Variants in MBOAT1 observed in about 807,000 individuals in gnomAD.
The protein encoded by MBOAT1 is membrane-bound glycerophospholipid O-acyltransferase 1.
A neutral mutation model predicts 64.4 loss-of-function variants in MBOAT1; 67 were observed. The observed-to-expected ratio is 1.04, with a 90% CI of 0.85 to 1.27. The LOEUF (loss-of-function observed/expected upper bound fraction) is 1.27, where lower values mean the gene tolerates loss of function less well. MBOAT1 is among the 50% of genes most tolerant of loss of function. MBOAT1 has a pLI of 0.00. For synonymous variants in MBOAT1, 229 were observed against 218.9 expected, an observed-to-expected ratio of 1.05 and a Z score of -0.41; for missense variants, 563 against 604.6, an observed-to-expected ratio of 0.93 and a Z score of 0.72.
intron 9 of MBOAT1, among the ~76,000 whole-genome samples, chr6:20,118,157 T>G (rs1037732352): frequency 2.5e-4 from 38 of 152,090 alleles, no homozygotes; most frequent in African/African-American, 9.2e-4. Context: ...AGAGCAGAAA[T>G]GTAGACAACA....
At chr6:20,111,188 G>C (rs1760127775) in intron 11 of MBOAT1, among the ~76,000 whole-genome samples, 1 of 151,648 alleles carries the variant, frequency 6.6e-6, no homozygotes. Context: ...GACTAGACCT[G>C]CCTCTAGAGA....
intron 1 of MBOAT1, among the ~76,000 whole-genome samples, chr6:20,153,548 T>C (rs1472783936): frequency 6.6e-6 from 1 of 152,236 alleles, no homozygotes; most frequent in African/African-American, 2.4e-5. Flanking sequence ...TCACGTTCCC[T>C]GATACTGGTA....
At chr6:20,117,991 C>A (rs955313265) in intron 9 of MBOAT1, among the ~76,000 whole-genome samples, 18 of 152,158 alleles carry the variant, frequency 1.2e-4, no homozygotes, top group Admixed American at 1.2e-3. Context: ...TATGACAATT[C>A]TTCTTACAAG....
At chr6:20,155,786 T>A (rs1397624464) in intron 1 of MBOAT1, among the ~76,000 whole-genome samples, 4 of 152,178 alleles carry the variant, frequency 2.6e-5, no homozygotes, top group African/African-American at 7.2e-5. Context: ...ACTAGAGACT[T>A]TACCAATCAG....
chr6:20,142,979 G>A (rs1761221927), intron 4 of MBOAT1, among the ~76,000 whole-genome samples: 1 of 152,160 alleles, frequency 6.6e-6, no homozygotes, highest in Non-Finnish European at 1.5e-5. Flanking sequence ...TTACCTTCCT[G>A]AGCCCTTTCA....
intron 1 of MBOAT1, among the ~76,000 whole-genome samples, chr6:20,206,010 C>T (rs1256362224): frequency 6.6e-6 from 1 of 152,116 alleles, no homozygotes; most frequent in African/African-American, 2.4e-5. Context: ...CTTCCTTCTC[C>T]CCCTCCTGTG....
chr6:20,211,654 T>C (rs1054478632), intron 1 of MBOAT1, among the ~76,000 whole-genome samples: 2 of 152,054 alleles, frequency 1.3e-5, no homozygotes, highest in Non-Finnish European at 2.9e-5. Flanking sequence ...AAAATAACTG[T>C]CACCCCTGAA....
chr6:20,162,714 T>C (rs1380914180), intron 1 of MBOAT1, among the ~76,000 whole-genome samples: 1 of 152,180 alleles, frequency 6.6e-6, no homozygotes, highest in Non-Finnish European at 1.5e-5. Context: ...GGCAGCTCCA[T>C]TAGTCAAACT....
chr6:20,118,393 T>C (rs768069162), intron 9 of MBOAT1, 44 bp downstream of exon 9: 1 of 1,472,882 alleles, frequency 6.8e-7, no homozygotes, highest in Non-Finnish European at 9.5e-7. Flanking sequence ...GCAAATCATT[T>C]GCTTTCTTCA....
intron 1 of MBOAT1, among the ~76,000 whole-genome samples, chr6:20,189,270 T>A (rs1762738071): frequency 6.6e-6 from 1 of 152,210 alleles, no homozygotes; most frequent in African/African-American, 2.4e-5. Context: ...TACTCTTCAG[T>A]TGAATAAAAA....
At chr6:20,186,939 C>T (rs776476023) in intron 1 of MBOAT1, among the ~76,000 whole-genome samples, 2 of 152,152 alleles carry the variant, frequency 1.3e-5, no homozygotes, top group African/African-American at 4.8e-5. Context: ...CCTATAAACA[C>T]GGTTAATGAA....
chr6:20,178,806 T>G (rs1291335104), intron 1 of MBOAT1, among the ~76,000 whole-genome samples: 2 of 152,164 alleles, frequency 1.3e-5, no homozygotes, highest in Non-Finnish European at 2.9e-5. Context: ...TTGTCTGGTA[T>G]GAACTGAACA....
intron 1 of MBOAT1, among the ~76,000 whole-genome samples, chr6:20,163,300 C>T (rs1011933640): frequency 6.6e-6 from 1 of 152,176 alleles, no homozygotes; most frequent in Non-Finnish European, 1.5e-5. Context: ...TTACTCCTCA[C>T]CTCTGGAAAG....
chr6:20,122,480 G>C (rs1760521755), intron 8 of MBOAT1, among the ~76,000 whole-genome samples: 1 of 152,040 alleles, frequency 6.6e-6, no homozygotes, highest in African/African-American at 2.4e-5. Context: ...ACAGAATCTG[G>C]TACAAAACTC....
intron 4 of MBOAT1, among the ~76,000 whole-genome samples, chr6:20,136,106 T>C (rs1760983899): frequency 2.0e-5 from 3 of 152,114 alleles, no homozygotes. Context: ...CCAATTCTTA[T>C]CAATTATGTC....
At chr6:20,161,601 C>G (rs958598968) in intron 1 of MBOAT1, among the ~76,000 whole-genome samples, 1 of 152,120 alleles carries the variant, frequency 6.6e-6, no homozygotes, top group African/African-American at 2.4e-5. Flanking sequence ...CCATAAATGA[C>G]TCCACTGAAG....
At chr6:20,141,706 G>A (rs749663428) in intron 4 of MBOAT1, among the ~76,000 whole-genome samples, 4 of 152,044 alleles carry the variant, frequency 2.6e-5, no homozygotes, top group African/African-American at 4.8e-5. Flanking sequence ...ATTCTGATGA[G>A]TGTAGAGAGC....
rs146339337 is a variant in MBOAT1, at chr6:20,143,945, A to G, written c.419+275T>C. Among the ~76,000 whole-genome samples, 574 of 152,340 alleles carry G rather than the reference A, an allele frequency of 3.8e-3. 14 individuals are homozygous for G. In the East Asian group the frequency reaches 0.044, roughly 12 times the overall value. ...CTCATAGACAATACATAAATGGCTAAGTGCCTGGTTGCGTTCCAATATAAC... is the reference window on the plus strand; with the variant it reads ...CTCATAGACAATACATAAATGGCTAGGTGCCTGGTTGCGTTCCAATATAAC... On this transcript the variant is annotated intron_variant, in intron 4 of 12. Coordinates refer to ENST00000324607, the MANE Select transcript of MBOAT1 (RefSeq NM_001080480.3).
At position 20,117,003 on chromosome 6, in the gene MBOAT1, TAA is replaced by T. The variant is rs931975264; in HGVS notation, c.1011+1432_1011+1433del. The stretch of plus-strand genomic sequence containing the variant: ...TGAACTCTCTCTGACGTCATCTATA[TAA>T]AAAAGAGAAGCTTACGGATCATGTA... On this transcript the variant is annotated intron_variant, in intron 9 of 12. Coordinates refer to ENST00000324607, the MANE Select transcript of MBOAT1 (RefSeq NM_001080480.3). Among the ~76,000 whole-genome samples the T allele has an allele frequency of 1.1e-3, 175 of 152,324 alleles. 1 individual carries two copies. Among genetic ancestry groups the T allele is most frequent in the African/African-American group, 4.1e-3 (172 of 41,570 alleles).
Sources: gnomAD v4.1 joint callset for allele counts (sites outside exome capture counted in the v4.1 genomes callset) on GRCh38, gnomAD v4.1.1 for gene constraint, MANE v1.5 for transcripts, NCBI Gene and HGNC (gene_info 2026-07-23, HGNC 2026-07-21) for gene names.